ASIC2: variants seen among roughly 807,000 people sequenced by gnomAD.
ASIC2 encodes acid-sensing ion channel 2.
In ASIC2, 25 loss-of-function variants were observed where a neutral mutation model predicts 57.3. The observed-to-expected ratio is 0.44, with a 90% confidence interval of 0.32 to 0.61. The LOEUF is 0.61. ASIC2 is among the 20% of genes least tolerant of loss of function. The pLI is 0.06. For missense variants in ASIC2, 641 were observed against 738.1 expected (o/e 0.87, Z 1.52); for synonymous variants, 319 against 307.5 (o/e 1.04, Z -0.39).
intron 1 of ASIC2, among the ~76,000 whole-genome samples, chr17:33,813,731 C>T (rs1479755154): frequency 1.3e-5 from 2 of 152,108 alleles, no homozygotes; most frequent in African/African-American, 2.4e-5. Context: ...CCACTGCGCC[C>T]GGCCTAAAGC....
At chr17:33,875,427 G>T (rs1299309675) in intron 1 of ASIC2, among the ~76,000 whole-genome samples, 2 of 152,068 alleles carry the variant, frequency 1.3e-5, no homozygotes, top group African/African-American at 4.8e-5. Context: ...GGCAAAAGTG[G>T]CTCAAAGTGA....
At chr17:33,783,141 A>G (rs1473339550) in intron 1 of ASIC2, among the ~76,000 whole-genome samples, 1 of 152,162 alleles carries the variant, frequency 6.6e-6, no homozygotes, top group Non-Finnish European at 1.5e-5. Context: ...CTTGGCACCC[A>G]TGGCTAGCAG....
intron 1 of ASIC2, among the ~76,000 whole-genome samples, chr17:33,319,154 C>T (rs561590864): frequency 4.6e-5 from 7 of 152,266 alleles, no homozygotes; most frequent in East Asian, 1.9e-4. Flanking sequence ...CACTTGAACC[C>T]GGGATGCGGA....
chr17:33,516,220 C>T (rs1278554034), intron 1 of ASIC2, among the ~76,000 whole-genome samples: 1 of 152,204 alleles, frequency 6.6e-6, no homozygotes, highest in Non-Finnish European at 1.5e-5. Context: ...CTGAAAGATA[C>T]TCCCGAGGCC....
intron 1 of ASIC2, among the ~76,000 whole-genome samples, chr17:33,141,535 C>G (rs925912902): frequency 6.6e-6 from 1 of 152,174 alleles, no homozygotes. Context: ...TTAAGCTACA[C>G]CCGGTGACAG....
At chr17:33,985,980 C>T (rs140266137) in intron 1 of ASIC2, among the ~76,000 whole-genome samples, 1 of 152,324 alleles carries the variant, frequency 6.6e-6, no homozygotes, top group East Asian at 1.9e-4. Context: ...CTTCTTTTCT[C>T]AAAGGCCACC....
At chr17:34,093,436 A>T (rs1910405725) in intron 1 of ASIC2, among the ~76,000 whole-genome samples, 1 of 152,200 alleles carries the variant, frequency 6.6e-6, no homozygotes, top group African/African-American at 2.4e-5. Context: ...TTAGTGACCC[A>T]CGTCAAGCCC....
intron 1 of ASIC2, among the ~76,000 whole-genome samples, chr17:33,459,772 C>T (rs775937282): frequency 1.3e-5 from 2 of 152,178 alleles, no homozygotes; most frequent in Non-Finnish European, 2.9e-5. Flanking sequence ...CAGCAGCTGG[C>T]CCTCCAGTGT....
chr17:33,994,417 C>T (rs1459737616), intron 1 of ASIC2, among the ~76,000 whole-genome samples: 1 of 152,172 alleles, frequency 6.6e-6, no homozygotes, highest in Non-Finnish European at 1.5e-5. Flanking sequence ...TCAGAAGTCA[C>T]AGCACGCTGT....
chr17:33,153,519 G>A (rs1484438323), intron 1 of ASIC2, among the ~76,000 whole-genome samples: 2 of 152,248 alleles, frequency 1.3e-5, no homozygotes. Context: ...TCTTTGGAAA[G>A]TGGGAGGGAG....
intron 1 of ASIC2, among the ~76,000 whole-genome samples, chr17:33,264,679 T>G (rs1030722402): frequency 6.6e-6 from 1 of 152,216 alleles, no homozygotes; most frequent in Non-Finnish European, 1.5e-5. Context: ...TTGGTCCCCC[T>G]GTTTCCACCT....
chr17:33,644,161 G>A (rs1254478787), intron 1 of ASIC2, among the ~76,000 whole-genome samples: 2 of 152,062 alleles, frequency 1.3e-5, no homozygotes, highest in African/African-American at 4.8e-5. Flanking sequence ...TTCAAACTAT[G>A]GGCTCGGGCA....
intron 1 of ASIC2, among the ~76,000 whole-genome samples, chr17:33,559,344 C>T (rs1432474520): frequency 1.3e-5 from 2 of 152,190 alleles, no homozygotes; most frequent in East Asian, 1.9e-4. Flanking sequence ...ATTCCAGTCA[C>T]TTCAGTAGTC....
chr17:33,793,329 C>G (rs923815080), intron 1 of ASIC2: 8 of 152,228 alleles, frequency 5.3e-5, no homozygotes, highest in Admixed American at 4.6e-4. Context: ...ATCTTATCCT[C>G]ACAATAATGC....
At chr17:33,047,651 C>A (rs567699437) in intron 3 of ASIC2, among the ~76,000 whole-genome samples, 1 of 152,264 alleles carries the variant, frequency 6.6e-6, no homozygotes, top group South Asian at 2.1e-4. Flanking sequence ...TACTTTACAG[C>A]AAGTAAAGTA....
intron 2 of ASIC2, among the ~76,000 whole-genome samples, chr17:33,101,494 C>A (rs974000001): frequency 3.3e-5 from 5 of 152,130 alleles, no homozygotes; most frequent in African/African-American, 1.2e-4. Flanking sequence ...GCTGTTTCTT[C>A]TGGTATTTAC....
chr17:34,143,396 C>T (rs1054869210), intron 1 of ASIC2, among the ~76,000 whole-genome samples: 8 of 152,082 alleles, frequency 5.3e-5, no homozygotes, highest in African/African-American at 1.9e-4. Flanking sequence ...GGGAGGTGGT[C>T]CCTTTAAGGG....
intron 1 of ASIC2, among the ~76,000 whole-genome samples, chr17:33,398,143 T>C (rs11080216): frequency 0.3 from 45,007 of 152,138 alleles, 8,127 homozygotes; most frequent in Non-Finnish European, 0.4. Context: ...ACATACCATA[T>C]AGTTTACTTA....
At chr17:33,603,534 A>G (rs1905157954) in intron 1 of ASIC2, among the ~76,000 whole-genome samples, 1 of 152,132 alleles carries the variant, frequency 6.6e-6, no homozygotes, top group African/African-American at 2.4e-5. Flanking sequence ...CAGAGAGAGA[A>G]ACAGACAAGA....
Sources: gnomAD v4.1 joint callset for allele counts (sites outside exome capture counted in the v4.1 genomes callset) on GRCh38, gnomAD v4.1.1 for gene constraint, MANE v1.5 for transcripts, NCBI Gene and HGNC (gene_info 2026-07-23, HGNC 2026-07-21) for gene names.